The following CLGN variants were observed in gnomAD, a reference collection of about 807,000 sequenced individuals.
CLGN encodes calmegin.
CLGN carries 62 observed loss-of-function variants against 79.1 expected under a neutral mutation model. The ratio of observed to expected loss-of-function variants is 0.78; its 90% CI spans 0.64 to 0.97. The LOEUF (loss-of-function observed/expected upper bound fraction) is 0.97, where lower values mean the gene tolerates loss of function less well. Among genes scored for constraint, CLGN ranks in the 50% least tolerant of loss-of-function variants. The pLI, the probability that CLGN is intolerant of heterozygous loss-of-function variation, is 0.00. For synonymous variants in CLGN, 225 were observed against 224.7 expected (o/e 1.00, Z -0.01); for missense variants, 647 against 715.5 (o/e 0.90, Z 1.09).
At chr4:140,402,176 T>G in intron 5 of CLGN, 110 bp from the exon 6 acceptor site, 1 of 563,150 alleles carries the variant, frequency 1.8e-6, no homozygotes, top group Admixed American at 3.8e-5. Flanking sequence ...TTTTTTACAT[T>G]ATCAGAAAAC....
intron 1 of CLGN, among the ~76,000 whole-genome samples, chr4:140,413,358 A>C (rs553384600): frequency 6.6e-6 from 1 of 152,228 alleles, no homozygotes; most frequent in Non-Finnish European, 1.5e-5. Flanking sequence ...AGGAGCCAAG[A>C]TGGCCGAATA....
At chr4:140,389,429 T>C (rs1026587254) in intron 14 of CLGN, 125 bp from the exon 15 acceptor site, 1 of 699,292 alleles carries the variant, frequency 1.4e-6, no homozygotes, top group Non-Finnish European at 2.4e-6. Flanking sequence ...TATGAAGGTA[T>C]TATATGAAAT....
At chr4:140,417,665 A>G (rs1389841729) in intron 1 of CLGN, among the ~76,000 whole-genome samples, 1 of 152,004 alleles carries the variant, frequency 6.6e-6, no homozygotes, top group Non-Finnish European at 1.5e-5. Context: ...GACCTCTTCA[A>G]GGAGAACTAC....
At chr4:140,403,036 G>A (rs1238417700) in intron 5 of CLGN, among the ~76,000 whole-genome samples, 1 of 151,776 alleles carries the variant, frequency 6.6e-6, no homozygotes, top group African/African-American at 2.4e-5. Context: ...GAACTCAATT[G>A]GTGTACATAT....
intron 7 of CLGN, 68 bp downstream of exon 7, chr4:140,400,289 C>T (rs1728974555): frequency 2.6e-6 from 3 of 1,146,944 alleles, no homozygotes; most frequent in African/African-American, 3.2e-5. Context: ...TCTTGTAAAG[C>T]ACTTGCCATG....
chr4:140,411,309 A>ATAAT (rs1413616045), intron 2 of CLGN, among the ~76,000 whole-genome samples: 1 of 152,122 alleles, frequency 6.6e-6, no homozygotes, highest in African/African-American at 2.4e-5. Flanking sequence ...GTCCAGTTAG[A>ATAAT]TAATTGTAGA....
chr4:140,420,120 A>G (rs1729435334), intron 1 of CLGN, among the ~76,000 whole-genome samples: 1 of 151,972 alleles, frequency 6.6e-6, no homozygotes, highest in East Asian at 1.9e-4. Flanking sequence ...CAAACAATTA[A>G]TTTGTTGAAA....
chr4:140,404,010 A>C (rs1729045015), intron 5 of CLGN, among the ~76,000 whole-genome samples: 4 of 152,216 alleles, frequency 2.6e-5, no homozygotes, highest in Admixed American at 2.6e-4. Flanking sequence ...AGTAATGCTG[A>C]AAACAGGTTT....
intron 1 of CLGN, among the ~76,000 whole-genome samples, chr4:140,426,501 C>T (rs1729570196): frequency 6.6e-6 from 1 of 152,182 alleles, no homozygotes; most frequent in Admixed American, 6.5e-5. Flanking sequence ...ACCAATAAGA[C>T]GTGAAGGCAA....
chr4:140,392,479 C>T (rs1728793292), intron 12 of CLGN, 101 bp from the exon 13 acceptor site: 2 of 1,486,008 alleles, frequency 1.3e-6, no homozygotes, highest in Non-Finnish European at 1.8e-6. Flanking sequence ...ATCAGTAAAA[C>T]TTATGAGACA....
At chr4:140,404,340 A>G (rs977478862) in intron 5 of CLGN, among the ~76,000 whole-genome samples, 107 of 152,168 alleles carry the variant, frequency 7.0e-4, no homozygotes, top group Admixed American at 2.0e-3. Flanking sequence ...TGATCCACCC[A>G]CCTTGGCCTC....
At chr4:140,393,050 C>T (rs1257498909) in intron 11 of CLGN, among the ~76,000 whole-genome samples, 1 of 152,026 alleles carries the variant, frequency 6.6e-6, no homozygotes, top group Non-Finnish European at 1.5e-5. Flanking sequence ...AGTGATCATT[C>T]ATTCTGTACT....
chr4:140,389,583 A>G (rs1434027571), intron 14 of CLGN, among the ~76,000 whole-genome samples: 1 of 151,804 alleles, frequency 6.6e-6, no homozygotes, highest in African/African-American at 2.4e-5. Flanking sequence ...GTAAATGTAA[A>G]TAGAATACAT....
chr4:140,403,858 T>C (rs1322295599), intron 5 of CLGN, among the ~76,000 whole-genome samples: 2 of 152,174 alleles, frequency 1.3e-5, no homozygotes, highest in Non-Finnish European at 2.9e-5. Context: ...CTTCCAGTCA[T>C]AGGAAAACCA....
chr4:140,396,769 G>A (rs1728884958), intron 8 of CLGN, among the ~76,000 whole-genome samples: 1 of 150,330 alleles, frequency 6.7e-6, no homozygotes, highest in East Asian at 1.9e-4. Context: ...TGTTGGCCAG[G>A]TTGGTCTTGA....
At chr4:140,397,741 T>C (rs1334834140) in intron 8 of CLGN, among the ~76,000 whole-genome samples, 2 of 151,920 alleles carry the variant, frequency 1.3e-5, no homozygotes, top group Non-Finnish European at 2.9e-5. Context: ...CCATCTCTAC[T>C]AAAAATACAA....
chr4:140,414,339 A>T (rs543703445), intron 1 of CLGN, among the ~76,000 whole-genome samples: 1 of 151,716 alleles, frequency 6.6e-6, no homozygotes, highest in Non-Finnish European at 1.5e-5. Flanking sequence ...AACGGAACAA[A>T]GCTGGATGGA....
rs370040902 is a variant in CLGN, at chr4:140,399,049, C to T, written c.695-9G>A. On this transcript the variant is annotated splice_polypyrimidine_tract_variant and intron_variant, in intron 7 of 14. Coordinates refer to ENST00000325617, the MANE Select transcript of CLGN (RefSeq NM_004362.3). ...GTCATCTGGATTCATCACTAAGGGACCAATTTAAATAAATTATAGTTATCA... is the reference window on the plus strand; with the variant it reads ...GTCATCTGGATTCATCACTAAGGGATCAATTTAAATAAATTATAGTTATCA... 19 of 1,584,584 alleles carry T rather than the reference C, an allele frequency of 1.2e-5. No homozygotes were observed. The highest frequency in any genetic ancestry group is 1.5e-5 in the Non-Finnish European group (18 of 1,168,314).
intron 1 of CLGN, among the ~76,000 whole-genome samples, chr4:140,413,771 G>C (rs1024005869): frequency 6.6e-5 from 10 of 152,338 alleles, no homozygotes; most frequent in Admixed American, 1.3e-4. Flanking sequence ...GCGGCAGCGA[G>C]GCTGGGGGAG....
Sources: allele counts gnomAD v4.1 joint callset (sites outside exome capture counted in the v4.1 genomes callset), GRCh38; gene constraint gnomAD v4.1.1; transcripts MANE v1.5; gene names NCBI Gene and HGNC (gene_info 2026-07-23, HGNC 2026-07-21).